The following NACC1 variants were observed in gnomAD, a reference collection of about 807,000 sequenced individuals.
NACC1 encodes nucleus accumbens-associated protein 1.
In NACC1, 6 loss-of-function variants were observed where a neutral mutation model predicts 41.7. The observed-to-expected ratio is 0.14, with a 90% CI of 0.08 to 0.28. NACC1 has a LOEUF of 0.28. Ranked by LOEUF, NACC1 falls within the 10% of genes least tolerant of loss-of-function variation. The pLI, the probability that NACC1 is intolerant of heterozygous loss-of-function variation, is 1.00. For synonymous variants in NACC1, 338 were observed against 330.6 expected, an observed-to-expected ratio of 1.02 and a Z score of -0.24; for missense variants, 434 against 763.7, an observed-to-expected ratio of 0.57 and a Z score of 5.09.
intron 1 of NACC1, 102 bp from the exon 2 acceptor site, chr19:13,135,098 C>T (rs1267685572): frequency 1.4e-6 from 2 of 1,440,190 alleles, no homozygotes; most frequent in Non-Finnish European, 1.8e-6. Context: ...GTCCCTCCAG[C>T]AGGGGAGGTC....
At chr19:13,127,605 C>T (rs1161164207) in intron 1 of NACC1, among the ~76,000 whole-genome samples, 2 of 150,740 alleles carry the variant, frequency 1.3e-5, no homozygotes, top group African/African-American at 2.4e-5. Flanking sequence ...ACAGGAGAAT[C>T]GCTTGAACGA....
chr19:13,138,533 T>C lies in NACC1; in HGVS notation c.*127T>C, dbSNP rs2019739909. On this transcript the variant is annotated 3_prime_UTR_variant, in exon 6 of 6. Coordinates refer to ENST00000292431, the MANE Select transcript of NACC1 (RefSeq NM_052876.4). This position sits in a 1 kb window ranked among gnomAD's most constrained non-coding sequence, Gnocchi z 5.7. ...GGTGGGTGCTGCATGTTCCCGGCCC[T>C]CTGCCCCTCCTGTCCTACCCCCTTT... The C allele has an allele frequency of 7.4e-7, 1 of 1,357,288 alleles. No homozygotes were observed. The highest frequency in any genetic ancestry group is 1.0e-6 in the Non-Finnish European group (1 of 1,003,588). The allele number at this position is 1,357,288 out of a possible 1,614,324, so 84.1% of individuals were successfully genotyped here.
rs2019696605 is a variant in NACC1, at chr19:13,135,848, A to G, written c.641A>G (p.Asn214Ser). 1 of 1,551,998 alleles carries G rather than the reference A, an allele frequency of 6.4e-7. No individual in the cohort carries two copies. Among genetic ancestry groups the G allele is most frequent in the East Asian group, 2.4e-5 (1 of 41,458 alleles). ...AKFSTPDLAANRPHQPPPPQQ... is the reference protein window; with the variant it reads ...AKFSTPDLAASRPHQPPPPQQ... ...TTCTCCACGCCGGACCTGGCTGCCA[A>G]CCGGCCTCACCAGCCCCCGCCACCC... The change falls in exon 2 of 6, where the codon AAC becomes AGC. Residue 214 changes from asparagine (N) to serine (S), a missense_variant. Asn to Ser is a conservative substitution (Grantham distance 46, BLOSUM62 1). Coordinates refer to ENST00000292431, the MANE Select transcript of NACC1 (RefSeq NM_052876.4).
chr19:13,138,437 T>TC lies in NACC1; in HGVS notation c.*35dup. ...CCAGCCTCCCGCGGGGCCACACACT[T>TC]CCCCTCCCAACACACACACACACCT... On this transcript the variant is annotated 3_prime_UTR_variant, in exon 6 of 6. Transcript: ENST00000292431. This position sits in a 1 kb window ranked among gnomAD's most constrained non-coding sequence, Gnocchi z 5.7. 6.3e-7 allele frequency: 1 copy of TC among 1,598,128 alleles called. No individual in the cohort carries two copies. Among genetic ancestry groups the TC allele is most frequent in the Non-Finnish European group, 8.5e-7 (1 of 1,176,730 alleles).
chr19:13,122,183 T>G (rs59064237), intron 1 of NACC1, among the ~76,000 whole-genome samples: 1 of 152,142 alleles, frequency 6.6e-6, no homozygotes. Flanking sequence ...AGCCTTCTCA[T>G]GTGCTGCCTC....
intron 1 of NACC1, among the ~76,000 whole-genome samples, chr19:13,134,771 T>C (rs2019677687): frequency 6.6e-6 from 1 of 152,256 alleles, no homozygotes; most frequent in Non-Finnish European, 1.5e-5. Context: ...TGACCCTGCC[T>C]TTCTGGCATT....
At chr19:13,131,120 A>T (rs1599993104) in intron 1 of NACC1, among the ~76,000 whole-genome samples, 1 of 152,176 alleles carries the variant, frequency 6.6e-6, no homozygotes, top group East Asian at 1.9e-4. Context: ...TAATTAAATC[A>T]TCCCCGGTGT....
intron 1 of NACC1, among the ~76,000 whole-genome samples, chr19:13,123,053 T>C (rs1270638467): frequency 1.3e-5 from 2 of 152,068 alleles, no homozygotes; most frequent in Non-Finnish European, 2.9e-5. Flanking sequence ...TATAAGGGAT[T>C]TGAGCCTAGT....
At chr19:13,123,632 A>T (rs2019527209) in intron 1 of NACC1, among the ~76,000 whole-genome samples, 1 of 152,204 alleles carries the variant, frequency 6.6e-6, no homozygotes, top group Non-Finnish European at 1.5e-5. Context: ...GTCCTCAGAC[A>T]GGCAGAAGAC....
intron 1 of NACC1, among the ~76,000 whole-genome samples, chr19:13,123,658 G>A (rs1218062075): frequency 6.6e-6 from 1 of 152,168 alleles, no homozygotes; most frequent in Non-Finnish European, 1.5e-5. Context: ...TTCTGGAGAG[G>A]ACACATCCAG....
In NACC1 at chr19:13,137,124, T is replaced by G; in HGVS notation, c.1121-147T>G. The G allele has an allele frequency of 4.3e-6, 3 of 690,680 alleles. No individual in the cohort carries two copies. The highest frequency in any genetic ancestry group is 7.5e-6 in the Non-Finnish European group (3 of 397,528). The allele number at this position is 690,680 out of a possible 1,614,324, so 42.8% of individuals were successfully genotyped here. A position where few individuals can be genotyped will look rare whatever the true frequency, so the allele number is the denominator to read the frequency against. On this transcript the variant is annotated intron_variant, in intron 3 of 5. Transcript: ENST00000292431. This position sits in a 1 kb window ranked among gnomAD's most constrained non-coding sequence, Gnocchi z 6.1. ...CCTGACTGCCCTTGGTGGGTAGAGATGTAGGGGAGAAGGTCCCTGGGTGAG... is the reference window on the plus strand; with the variant it reads ...CCTGACTGCCCTTGGTGGGTAGAGAGGTAGGGGAGAAGGTCCCTGGGTGAG...
At position 13,138,315 on chromosome 19, in the gene NACC1, A is replaced by G. The variant is rs1207979458; in HGVS notation, c.1493A>G (p.Lys498Arg). Residue 498 changes from lysine (K) to arginine (R), a missense_variant, in exon 6 of 6, where the codon AAG (lysine) becomes AGG (arginine). By Grantham distance (26) the Lys-to-Arg change is conservative. This residue lies in a region of NACC1 where 63 missense variants were observed against 68.4 expected (regional missense o/e 0.92). Transcript: ENST00000292431. This position sits in a 1 kb window ranked among gnomAD's most constrained non-coding sequence, Gnocchi z 5.7. ...ACCACCTTCATCAGTGAAACGGGCA[A>G]GATCGAGCCGGACATGATGGGTGTG... Reference protein sequence around the residue: ...AYTTFISETGKIEPDMMGVEH... With the variant: ...AYTTFISETGRIEPDMMGVEH... 1.2e-6 allele frequency: 2 copies of G among 1,614,060 alleles called. No individual in the cohort carries two copies. The highest frequency in any genetic ancestry group is 2.7e-5 in the African/African-American group (2 of 74,944).
rs2019696605 is a variant in NACC1 at position 13,135,848 on chromosome 19, A to C, written c.641A>C (p.Asn214Thr). The change falls in exon 2 of 6, where the codon AAC becomes ACC. Residue 214 changes from asparagine to threonine, a missense_variant. Asn to Thr is a moderately conservative substitution (Grantham distance 65, BLOSUM62 0). Coordinates refer to ENST00000292431, the MANE Select transcript of NACC1 (RefSeq NM_052876.4). ...AKFSTPDLAA[N>T]RPHQPPPPQQ... Reference sequence around the variant, plus strand: ...TTCTCCACGCCGGACCTGGCTGCCAACCGGCCTCACCAGCCCCCGCCACCC... The same window carrying C: ...TTCTCCACGCCGGACCTGGCTGCCACCCGGCCTCACCAGCCCCCGCCACCC... 1 of 1,551,882 alleles carries C rather than the reference A, an allele frequency of 6.4e-7. No homozygotes were observed. The highest frequency in any genetic ancestry group is 8.7e-7 in the Non-Finnish European group (1 of 1,151,030).
intron 1 of NACC1, among the ~76,000 whole-genome samples, chr19:13,120,059 TCTC>T (rs1403680531): frequency 1.3e-5 from 2 of 152,134 alleles, no homozygotes; most frequent in African/African-American, 4.8e-5. Context: ...TGGCGGGCGT[TCTC>T]CTCCGTCCAG....
chr19:13,129,928 A>AG (rs2145618437), intron 1 of NACC1, among the ~76,000 whole-genome samples: 1 of 150,882 alleles, frequency 6.6e-6, no homozygotes, highest in Admixed American at 6.6e-5. Flanking sequence ...AAAAAAAAAA[A>AG]ATTACCTGTG....
rs1303806218 is a variant in NACC1, at chr19:13,118,381, C to T, written c.-82C>T. The T allele has an allele frequency of 6.8e-6, 1 of 146,734 alleles. No individual in the cohort carries two copies. 9.1% of individuals were successfully genotyped at this position (146,734 alleles called of 1,614,324 possible). ...CGAGGCCCCGGCGCAGCGGGGCGCG[C>T]CCCGGGCCCAGGCCCGGCCCCAGCC... is the stretch of plus-strand genomic sequence containing the variant. On this transcript the variant is annotated 5_prime_UTR_variant, in exon 1 of 6. Coordinates refer to ENST00000292431, the MANE Select transcript of NACC1 (RefSeq NM_052876.4).
intron 1 of NACC1, among the ~76,000 whole-genome samples, chr19:13,128,927 C>G (rs1476160701): frequency 6.6e-6 from 1 of 152,256 alleles, no homozygotes; most frequent in African/African-American, 2.4e-5. Flanking sequence ...GCCTCCTGCC[C>G]TTGTCCCCCA....
chr19:13,126,654 A>G (rs1422522271), intron 1 of NACC1, among the ~76,000 whole-genome samples: 1 of 152,070 alleles, frequency 6.6e-6, no homozygotes, highest in Non-Finnish European at 1.5e-5. Flanking sequence ...TGCGGTCTCA[A>G]TAGGCCCCTG....
intron 1 of NACC1, among the ~76,000 whole-genome samples, chr19:13,122,345 C>T (rs2019506631): frequency 6.6e-6 from 1 of 152,108 alleles, no homozygotes; most frequent in Non-Finnish European, 1.5e-5. Flanking sequence ...ACACTTAGCA[C>T]CACCCCTGTC....
Sources: gnomAD v4.1 joint callset for allele counts (sites outside exome capture counted in the v4.1 genomes callset) on GRCh38, gnomAD v4.1.1 for gene constraint, gnomAD v4.1.1 regional missense constraint, Gnocchi (gnomAD v3.1) non-coding constraint, MANE v1.5 for transcripts, NCBI Gene and HGNC (gene_info 2026-07-23, HGNC 2026-07-21) for gene names.